MEGF8: variants seen among roughly 807,000 people sequenced by gnomAD.
The protein encoded by MEGF8 is multiple epidermal growth factor-like domains protein 8.
Under a neutral mutation model 302.9 loss-of-function variants are expected in MEGF8, and 156 were observed. The observed-to-expected ratio is 0.52, with a 90% CI of 0.45 to 0.59. MEGF8 has a LOEUF of 0.59. MEGF8 is among the 20% of genes least tolerant of loss of function. The pLI, the probability that MEGF8 is intolerant of heterozygous loss-of-function variation, is 0.00. For missense variants in MEGF8, 3,345 were observed against 3,964.5 expected, an observed-to-expected ratio of 0.84 and a Z score of 4.20; for synonymous variants, 1,621 against 1,660.5, an observed-to-expected ratio of 0.98 and a Z score of 0.58.
At chr19:42,362,059 G>A in intron 32 of MEGF8, 31 bp from the exon 33 acceptor site, 1 of 1,608,748 alleles carries the variant, frequency 6.2e-7, no homozygotes, top group Non-Finnish European at 8.5e-7. Context: ...GTCTGGATGG[G>A]TGTGAGTGAG....
At chr19:42,362,769 G>C (rs576608655) in intron 34 of MEGF8, among the ~76,000 whole-genome samples, 172 bp downstream of exon 34, 25 of 149,256 alleles carry the variant, frequency 1.7e-4, no homozygotes, top group African/African-American at 5.5e-4. Context: ...TGGGTCTGAG[G>C]GAGGAGGGAC....
chr19:42,369,626 G>A lies in MEGF8; in HGVS notation c.6737G>A (p.Gly2246Asp). 6.2e-7 allele frequency: 1 copy of A among 1,612,994 alleles called. No individual in the cohort carries two copies. Among genetic ancestry groups the A allele is most frequent in the Non-Finnish European group, 8.5e-7 (1 of 1,179,790 alleles). The change falls in exon 38 of 42, where the codon GGC becomes GAC. Residue 2246 changes from glycine (G) to aspartate (D), a missense_variant. Gly to Asp is a moderately conservative substitution (Grantham distance 94). Coordinates refer to ENST00000251268, the MANE Select transcript of MEGF8 (RefSeq NM_001271938.2). The surrounding 1 kb of genome is among the most constrained non-coding windows in gnomAD (Gnocchi z 5.7). Reference protein sequence around the residue: ...DHCRCHFGFVGRNCSTECRCN... With the variant: ...DHCRCHFGFVDRNCSTECRCN... Reference sequence around the variant, plus strand: ...TGCCGCTGCCACTTTGGCTTTGTGGGCCGCAACTGCTCCACGGAATGCCGC... The same window carrying A: ...TGCCGCTGCCACTTTGGCTTTGTGGACCGCAACTGCTCCACGGAATGCCGC...
At chr19:42,371,837 C>A (rs1396799031) in intron 41 of MEGF8, among the ~76,000 whole-genome samples, 1 of 152,056 alleles carries the variant, frequency 6.6e-6, no homozygotes, top group Non-Finnish European at 1.5e-5. Context: ...AATCCCAGAA[C>A]TTTGGGAGGC....
At position 42,376,677 on chromosome 19, in the gene MEGF8, T is replaced by C; in HGVS notation, c.8440T>C (p.Cys2814Arg). ...ACTGCGGCACAGGCTGCACGAGTAC[T>C]GTGGGGGTGGTGGGGGTGCTGGGGG... Reference protein sequence around the residue: ...VTLRHRLHEYCGGGGGAGGSG... With the variant: ...VTLRHRLHEYRGGGGGAGGSG... Residue 2814 changes from cysteine (C) to arginine (R), a missense_variant, in exon 42 of 42, where the codon TGT (cysteine) becomes CGT (arginine). By Grantham distance (180) the Cys-to-Arg change is radical. Coordinates refer to ENST00000251268, the MANE Select transcript of MEGF8 (RefSeq NM_001271938.2). This position sits in a 1 kb window ranked among gnomAD's most constrained non-coding sequence, Gnocchi z 8.2. The C allele has an allele frequency of 1.3e-6, 2 of 1,523,510 alleles. No individual in the cohort carries two copies. Among genetic ancestry groups the C allele is most frequent in the African/African-American group, 1.4e-5 (1 of 73,026 alleles). 94.4% of individuals were successfully genotyped at this position (1,523,510 alleles called of 1,614,324 possible). A position where few individuals can be genotyped will look rare whatever the true frequency, so the allele number is the denominator to read the frequency against.
chr19:42,365,915 C>T (rs1003198021), intron 35 of MEGF8, among the ~76,000 whole-genome samples: 3 of 151,500 alleles, frequency 2.0e-5, no homozygotes, highest in Admixed American at 1.3e-4. Flanking sequence ...AACCCTGTCT[C>T]TACTAAAAAT....
intron 41 of MEGF8, among the ~76,000 whole-genome samples, chr19:42,371,748 T>A (rs2039694049): frequency 6.6e-6 from 1 of 151,780 alleles, no homozygotes; most frequent in African/African-American, 2.4e-5. Flanking sequence ...CAGCTAAAGG[T>A]GGCACATGCC....
chr19:42,375,363 C>A lies in MEGF8; in HGVS notation c.7270-144C>A. On this transcript the variant is annotated intron_variant, in intron 41 of 41. Coordinates refer to ENST00000251268, the MANE Select transcript of MEGF8 (RefSeq NM_001271938.2). The surrounding 1 kb of genome is among the most constrained non-coding windows in gnomAD (Gnocchi z 7.1). ...GTGGCAGAGAAGGTCCGGGGGGTCA[C>A]AGGGAAGTGACTGGGGCAGTGGGGG... 1.2e-6 allele frequency: 1 copy of A among 869,434 alleles called. No homozygotes were observed. The highest frequency in any genetic ancestry group is 1.7e-6 in the Non-Finnish European group (1 of 582,686). The allele number at this position is 869,434 out of a possible 1,614,324, so 53.9% of individuals were successfully genotyped here. A position where few individuals can be genotyped will look rare whatever the true frequency, so the allele number is the denominator to read the frequency against.
chr19:42,370,784 C>T lies in MEGF8; in HGVS notation c.7089C>T (p.Cys2363=), dbSNP rs138235390. ...AGAATAACAGCTATGGGGAGAAATG[C>T]GAGAGCTGCCTGCAGGGCTACTTCC... The part of the protein sequence containing the change: ...NCQNNSYGEK[C]ESCLQGYFLL... The change falls in exon 40 of 42, where the codon TGC becomes TGT. Residue 2363 remains cysteine, a synonymous_variant. Coordinates refer to ENST00000251268, the MANE Select transcript of MEGF8 (RefSeq NM_001271938.2). 597 of 1,512,866 alleles carry T rather than the reference C, an allele frequency of 3.9e-4. 1 individual carries two copies. The highest frequency in any genetic ancestry group is 4.8e-4 in the Non-Finnish European group (534 of 1,117,512). The allele number at this position is 1,512,866 out of a possible 1,614,324, so 93.7% of individuals were successfully genotyped here.
chr19:42,338,825 A>ATTTTTTTTTTTTTTTTTTTT (rs55994617), intron 8 of MEGF8, among the ~76,000 whole-genome samples: 1 of 47,148 alleles, frequency 2.1e-5, no homozygotes, highest in Non-Finnish European at 4.5e-5. Context: ...CTTTCTATGT[A>ATTTTTTTTTTTTTTTTTTTT]TTTTTTTTTT....
intron 1 of MEGF8, among the ~76,000 whole-genome samples, chr19:42,327,009 A>G (rs1252042250): frequency 1.3e-5 from 2 of 152,056 alleles, no homozygotes; most frequent in Non-Finnish European, 2.9e-5. Context: ...CTGGCTTCTT[A>G]TTATTAGCTT....
chr19:42,361,921 G>A (rs1026419545), intron 32 of MEGF8, among the ~76,000 whole-genome samples, 169 bp from the exon 33 acceptor site: 7 of 152,176 alleles, frequency 4.6e-5, no homozygotes, highest in African/African-American at 1.7e-4. Flanking sequence ...TGGGTGACAG[G>A]TGGATGTGGG....
chr19:42,369,772 A>C lies in MEGF8; in HGVS notation c.6834+49A>C. On this transcript the variant is annotated intron_variant, in intron 38 of 41. Coordinates refer to ENST00000251268, the MANE Select transcript of MEGF8 (RefSeq NM_001271938.2). The surrounding 1 kb of genome is among the most constrained non-coding windows in gnomAD (Gnocchi z 5.7). The stretch of plus-strand genomic sequence containing the variant: ...CCCCGACCCTGGGACCCAGGCCCTC[A>C]CTTGCCTTCATCCCACGCTCAGGCG... 2 of 1,536,028 alleles carry C rather than the reference A, an allele frequency of 1.3e-6. No homozygotes were observed. The highest frequency in any genetic ancestry group is 1.8e-6 in the Non-Finnish European group (2 of 1,140,892).
At chr19:42,348,527 G>A (rs1375877899) in intron 13 of MEGF8, 55 bp downstream of exon 13, 2 of 1,431,972 alleles carry the variant, frequency 1.4e-6, no homozygotes, top group Admixed American at 4.6e-5. Flanking sequence ...GGAGTTAGGG[G>A]TGTGGTATAG....
In MEGF8 at chr19:42,356,145, T is replaced by C. The variant is rs989768795; in HGVS notation, c.4455T>C (p.Asp1485=). The C allele has an allele frequency of 1.3e-6, 2 of 1,573,214 alleles. No homozygotes were observed. Among genetic ancestry groups the C allele is most frequent in the African/African-American group, 1.3e-5 (1 of 74,246 alleles). ...FGGPDCATKL[D]GGQLVWETLM... is the part of the protein sequence containing the mutation. ...GCCCCGACTGCGCCACCAAGCTGGA[T>C]GGCGGGCAGCTGGTCTGGGAGACCC... Residue 1485 remains aspartate (D), a synonymous_variant, in exon 25 of 42, where the codon GAT becomes GAC. Transcript: ENST00000251268. This position sits in a 1 kb window ranked among gnomAD's most constrained non-coding sequence, Gnocchi z 5.2.
intron 41 of MEGF8, among the ~76,000 whole-genome samples, chr19:42,373,386 C>A (rs548741294): frequency 1.3e-5 from 2 of 151,708 alleles, no homozygotes; most frequent in African/African-American, 4.8e-5. Context: ...CCACCACCCC[C>A]GGCCGGTTCT....
chr19:42,340,232 T>C (rs2039193049), intron 8 of MEGF8, among the ~76,000 whole-genome samples: 1 of 152,142 alleles, frequency 6.6e-6, no homozygotes, highest in African/African-American at 2.4e-5. Flanking sequence ...TTTTAAAATT[T>C]TTATTATTTA....
intron 1 of MEGF8, among the ~76,000 whole-genome samples, chr19:42,332,650 G>T (rs752633112): frequency 6.6e-6 from 1 of 152,224 alleles, no homozygotes; most frequent in Non-Finnish European, 1.5e-5. Context: ...ACAGGTGTGA[G>T]CCACCGTGCC....
chr19:42,362,473 T>C lies in MEGF8; in HGVS notation c.5934T>C (p.Cys1978=), dbSNP rs200085640. ...RNGSCTSEND[C]RINQREVFWA... is the part of the protein sequence containing the mutation. ...GGTCCTGCACCTCTGAGAATGACTG[T>C]CGGATCAACCAGCGAGAGGTCTTCT... The change falls in exon 34 of 42, where the codon TGT becomes TGC. Residue 1978 remains cysteine, a synonymous_variant. Coordinates refer to ENST00000251268, the MANE Select transcript of MEGF8 (RefSeq NM_001271938.2). 4.3e-6 allele frequency: 7 copies of C among 1,613,954 alleles called. No homozygotes were observed. In the East Asian group the frequency reaches 1.3e-4, roughly 31 times the overall value.
chr19:42,378,701 T>C lies in MEGF8; in HGVS notation c.*1926T>C, dbSNP rs2304210. 15,733 of 153,654 alleles carry C rather than the reference T, an allele frequency of 0.1. 1,039 individuals are homozygous for C. Among genetic ancestry groups the C allele is most frequent in the Middle Eastern group, 0.19 (56 of 294 alleles). The allele number at this position is 153,654 out of a possible 1,614,324, so 9.5% of individuals were successfully genotyped here. ...CTAGCCAATGCGTGCATGTCAGAGG[T>C]GGTGGGGACCACATCAGAAGAAGAG... On this transcript the variant is annotated 3_prime_UTR_variant, in exon 42 of 42. Transcript: ENST00000251268.
Sources: allele counts gnomAD v4.1 joint callset (sites outside exome capture counted in the v4.1 genomes callset), GRCh38; gene constraint gnomAD v4.1.1; non-coding constraint Gnocchi (gnomAD v3.1); transcripts MANE v1.5; gene names NCBI Gene and HGNC (gene_info 2026-07-23, HGNC 2026-07-21).